The following EDA2R variants were observed in gnomAD, a reference collection of about 807,000 sequenced individuals.
EDA2R encodes the protein ectodysplasin A2 receptor, also known as tumor necrosis factor receptor superfamily member 27.
EDA2R carries 26 observed loss-of-function variants against 20.1 expected under a neutral mutation model. The ratio of observed to expected loss-of-function variants is 1.30; its 90% CI spans 0.95 to 1.80. The LOEUF (loss-of-function observed/expected upper bound fraction) is 1.80, where lower values mean the gene tolerates loss of function less well. Among genes scored for constraint, EDA2R ranks in the 40% most tolerant of loss-of-function variants. EDA2R has a pLI of 0.00. For missense variants in EDA2R, 277 were observed against 228.7 expected (o/e 1.21, Z -1.36); for synonymous variants, 114 against 88.7 (o/e 1.29, Z -1.60).
At chrX:66,611,551 A>G (rs73221528) in intron 2 of EDA2R, among the ~76,000 whole-genome samples, 6,452 of 111,433 alleles carry the variant, frequency 0.058, 166 homozygotes, top group Middle Eastern at 0.13. Flanking sequence ...AATTTTAAAA[A>G]TTCACTGGAT....
At chrX:66,625,556 C>G (rs188217944) in intron 1 of EDA2R, among the ~76,000 whole-genome samples, 1 of 111,251 alleles carries the variant, frequency 9.0e-6, no homozygotes, top group Admixed American at 9.5e-5. Flanking sequence ...GCTCTACCCC[C>G]ACCTGATGGG....
At chrX:66,607,478 G>A (rs1335822079) in intron 2 of EDA2R, among the ~76,000 whole-genome samples, 4 of 111,169 alleles carry the variant, frequency 3.6e-5, no homozygotes, top group African/African-American at 1.3e-4. Context: ...GTTGGGAATG[G>A]TGGCATGCAC....
intron 2 of EDA2R, among the ~76,000 whole-genome samples, chrX:66,607,799 C>G (rs1349413067): frequency 9.0e-6 from 1 of 111,130 alleles, no homozygotes; most frequent in African/African-American, 3.3e-5. Context: ...TTTTTAACAA[C>G]AAAAAAATAA....
chrX:66,623,646 C>T (rs1043099863), intron 1 of EDA2R, among the ~76,000 whole-genome samples: 3 of 111,545 alleles, frequency 2.7e-5, no homozygotes, highest in Non-Finnish European at 5.7e-5. Flanking sequence ...TACTCTTTTC[C>T]TTATTGTCTT....
Position 66,599,757 on chromosome X carries a change from GT to G in EDA2R, c.620del (p.Asn207ThrfsTer124), listed in dbSNP as rs768430815. The G allele has an allele frequency of 5.0e-6, 6 of 1,210,154 alleles. No homozygotes were observed. In the South Asian group the frequency reaches 5.3e-5, roughly 11 times the overall value. ...GGTTAAGTGGCTGGGTCTGAAAGAT[GT>G]TCTCACTCACTTGGGACTCAGCACT... Reference protein sequence around the residue: ...ETSAESQVSENIFQTQPLNPI... With the variant: ...ETSAESQVSEXIFQTQPLNPI... On this transcript the variant is annotated frameshift_variant, in exon 6 of 7. Transcript: ENST00000374719. LOFTEE classifies it high-confidence loss of function.
chrX:66,618,078 G>C (rs1375746145), intron 1 of EDA2R, among the ~76,000 whole-genome samples: 1 of 111,122 alleles, frequency 9.0e-6, no homozygotes, highest in African/African-American at 3.3e-5. Flanking sequence ...GTATAGACAG[G>C]GTTTCATCAT....
intron 1 of EDA2R, among the ~76,000 whole-genome samples, chrX:66,638,663 C>T (rs1158631392): frequency 9.0e-6 from 1 of 111,195 alleles, no homozygotes; most frequent in Non-Finnish European, 1.9e-5. Flanking sequence ...TCACTAACAC[C>T]CAGCCTCCTT....
intron 1 of EDA2R, among the ~76,000 whole-genome samples, chrX:66,616,413 G>A (rs1298561158): frequency 8.9e-6 from 1 of 112,358 alleles, no homozygotes; most frequent in African/African-American, 3.2e-5. Context: ...AGGGGGTAAA[G>A]AATAATCACA....
At position 66,599,544 on chromosome X, in the gene EDA2R, T is replaced by C. The variant is rs1469666962; in HGVS notation, c.834A>G (p.Thr278=). 8.4e-7 allele frequency: 1 copy of C among 1,187,642 alleles called. No individual in the cohort carries two copies. The highest frequency in any genetic ancestry group is 1.9e-5 in the South Asian group (1 of 53,955). The change falls in exon 6 of 7, where the codon ACA becomes ACG. Residue 278 remains threonine (T), a synonymous_variant. Coordinates refer to ENST00000374719, the MANE Select transcript of EDA2R (RefSeq NM_021783.5). ...CCAGCCTGTCTCCAGTGCTTTCGACTGTGTTTCCCCCCAAGGTCTCAGCTC... is the reference window on the plus strand; with the variant it reads ...CCAGCCTGTCTCCAGTGCTTTCGACCGTGTTTCCCCCCAAGGTCTCAGCTC... ...YTGAETLGGN[T]VESTGDRLEL... is the part of the protein sequence containing the mutation.
chrX:66,619,538 T>A (rs1259199467), intron 1 of EDA2R, among the ~76,000 whole-genome samples: 3 of 111,778 alleles, frequency 2.7e-5, no homozygotes, highest in African/African-American at 9.8e-5. Context: ...TCAAGAACAT[T>A]TTTTTCACCC....
chrX:66,597,969 G>A lies in EDA2R; in HGVS notation c.*135C>T, dbSNP rs1216168477. 3 of 851,463 alleles carry A rather than the reference G, an allele frequency of 3.5e-6. No individual in the cohort carries two copies. The highest frequency in any genetic ancestry group is 4.6e-6 in the Non-Finnish European group (3 of 656,136). 70.2% of individuals were successfully genotyped at this position (851,463 alleles called of 1,213,427 possible). The stretch of plus-strand genomic sequence containing the variant: ...TCAATCCTCTGGTGGGATGGGATAG[G>A]ATATGCCCCATCTGTAGGGTATTAG... On this transcript the variant is annotated 3_prime_UTR_variant, in exon 7 of 7. Coordinates refer to ENST00000374719, the MANE Select transcript of EDA2R (RefSeq NM_021783.5).
intron 1 of EDA2R, among the ~76,000 whole-genome samples, chrX:66,637,696 A>G (rs183597498): frequency 8.9e-6 from 1 of 112,595 alleles, no homozygotes; most frequent in Admixed American, 9.4e-5. Context: ...TCTGTGTGCC[A>G]CAGTCTATCT....
At chrX:66,614,415 A>T (rs188886764) in intron 2 of EDA2R, among the ~76,000 whole-genome samples, 163 of 112,490 alleles carry the variant, frequency 1.4e-3, no homozygotes, top group African/African-American at 5.0e-3. Flanking sequence ...CTTTCAACTT[A>T]CTACATCCTA....
At chrX:66,626,129 C>T (rs1933053276) in intron 1 of EDA2R, among the ~76,000 whole-genome samples, 1 of 111,636 alleles carries the variant, frequency 9.0e-6, no homozygotes. Context: ...CCAAAAATCA[C>T]ACTAGCTCAC....
intron 1 of EDA2R, among the ~76,000 whole-genome samples, chrX:66,617,280 A>G (rs757997508): frequency 2.7e-5 from 3 of 111,944 alleles, no homozygotes; most frequent in South Asian, 3.8e-4. Context: ...TTCATCATCA[A>G]CTGGGCCATT....
At chrX:66,624,103 G>A (rs979011356) in intron 1 of EDA2R, among the ~76,000 whole-genome samples, 1 of 112,327 alleles carries the variant, frequency 8.9e-6, no homozygotes, top group African/African-American at 3.2e-5. Context: ...AAAATCTACA[G>A]AATACTGGGA....
At chrX:66,611,188 T>C (rs1457461402) in intron 2 of EDA2R, among the ~76,000 whole-genome samples, 2 of 111,692 alleles carry the variant, frequency 1.8e-5, no homozygotes, top group Non-Finnish European at 3.8e-5. Context: ...CTCACAAACG[T>C]AGGCCAAAAC....
At chrX:66,610,638 A>C (rs1339376398) in intron 2 of EDA2R, among the ~76,000 whole-genome samples, 1 of 112,132 alleles carries the variant, frequency 8.9e-6, no homozygotes, top group Non-Finnish European at 1.9e-5. Flanking sequence ...ACTACAATGC[A>C]TGAGGATGCT....
At chrX:66,634,952 C>T (rs1934188201) in intron 1 of EDA2R, among the ~76,000 whole-genome samples, 1 of 111,994 alleles carries the variant, frequency 8.9e-6, no homozygotes, top group Non-Finnish European at 1.9e-5. Flanking sequence ...TTGGCTTAAC[C>T]ACAACGGTGA....
Sources: allele counts gnomAD v4.1 joint callset (sites outside exome capture counted in the v4.1 genomes callset), GRCh38; gene constraint gnomAD v4.1.1; transcripts MANE v1.5; gene names NCBI Gene and HGNC (gene_info 2026-07-23, HGNC 2026-07-21).